PCSK2: variants seen among roughly 807,000 people sequenced by gnomAD.
PCSK2 encodes neuroendocrine convertase 2.
Under a neutral mutation model 69.7 loss-of-function variants are expected in PCSK2, and 14 were observed. That is an observed-to-expected ratio of 0.20 (90% CI 0.13 to 0.31). PCSK2 has a LOEUF of 0.31. PCSK2 is among the 10% of genes least tolerant of loss of function. The pLI, the probability that PCSK2 is intolerant of heterozygous loss-of-function variation, is 1.00. For missense variants in PCSK2, 544 were observed against 842.5 expected (o/e 0.65, Z 4.39); for synonymous variants, 307 against 320.7 (o/e 0.96, Z 0.46).
intron 2 of PCSK2, among the ~76,000 whole-genome samples, chr20:17,270,619 A>C (rs973223970): frequency 6.6e-6 from 1 of 152,136 alleles, no homozygotes; most frequent in Non-Finnish European, 1.5e-5. Flanking sequence ...GTAAGACAAA[A>C]TAGTTTTCCA....
intron 5 of PCSK2, among the ~76,000 whole-genome samples, chr20:17,397,842 C>T (rs532489246): frequency 6.6e-6 from 1 of 152,232 alleles, no homozygotes; most frequent in East Asian, 1.9e-4. Context: ...TTCTTTGGCT[C>T]ATTAGACCTC....
intron 2 of PCSK2, among the ~76,000 whole-genome samples, chr20:17,353,709 AC>A (rs2074789921): frequency 6.6e-6 from 1 of 152,196 alleles, no homozygotes; most frequent in Non-Finnish European, 1.5e-5. Context: ...TCAGTGCTAC[AC>A]TATTCACAGT....
At chr20:17,254,422 T>C (rs1483047804) in intron 1 of PCSK2, among the ~76,000 whole-genome samples, 1 of 152,198 alleles carries the variant, frequency 6.6e-6, no homozygotes, top group Non-Finnish European at 1.5e-5. Context: ...GAATATCTAA[T>C]TGTCCAAGCA....
chr20:17,452,372 A>G (rs1305186866), intron 8 of PCSK2, among the ~76,000 whole-genome samples: 1 of 152,204 alleles, frequency 6.6e-6, no homozygotes, highest in Non-Finnish European at 1.5e-5. Context: ...GGTTGAATAA[A>G]TATTTGTTCA....
intron 11 of PCSK2, among the ~76,000 whole-genome samples, chr20:17,466,069 T>G (rs945126126): frequency 4.2e-4 from 64 of 152,158 alleles, no homozygotes; most frequent in African/African-American, 1.5e-3. Context: ...TGCTTTTGGT[T>G]GTGAGCCTTA....
intron 2 of PCSK2, among the ~76,000 whole-genome samples, chr20:17,348,061 AAGAAAGAAAGAAAG>A (rs1990740552): frequency 1.0e-5 from 1 of 95,646 alleles, no homozygotes; most frequent in African/African-American, 3.9e-5. Context: ...GAAAGAAAGA[AAGAAAGAAAGAAAG>A]AAAGAAAGAA....
chr20:17,278,431 G>A (rs1190824309), intron 2 of PCSK2, among the ~76,000 whole-genome samples: 1 of 152,164 alleles, frequency 6.6e-6, no homozygotes, highest in African/African-American at 2.4e-5. Context: ...GGACATGGAT[G>A]AAGCTGGAAA....
chr20:17,480,207 T>TTTTTTTTTTTTTTTTTG (rs1600614681), intron 11 of PCSK2, among the ~76,000 whole-genome samples: 1 of 89,680 alleles, frequency 1.1e-5, no homozygotes, highest in Non-Finnish European at 2.3e-5. Flanking sequence ...TTTTTTTTTT[T>TTTTTTTTTTTTTTTTTG]GAGGCAGAGT....
At chr20:17,291,883 T>A (rs1010750995) in intron 2 of PCSK2, among the ~76,000 whole-genome samples, 5 of 152,110 alleles carry the variant, frequency 3.3e-5, no homozygotes, top group Non-Finnish European at 7.4e-5. Context: ...TAACTTCCAA[T>A]CTCGAGATCA....
chr20:17,342,420 C>T (rs117723457), intron 2 of PCSK2, among the ~76,000 whole-genome samples: 415 of 152,230 alleles, frequency 2.7e-3, no homozygotes, highest in Non-Finnish European at 2.7e-3. Context: ...CTGAGGTCAA[C>T]CAATCCTCCT....
chr20:17,262,326 G>A (rs980372891), intron 2 of PCSK2, among the ~76,000 whole-genome samples: 1 of 152,092 alleles, frequency 6.6e-6, no homozygotes, highest in Non-Finnish European at 1.5e-5. Context: ...ACAGAAAATA[G>A]CAGAAAAACT....
At chr20:17,387,614 G>A (rs1353442108) in intron 5 of PCSK2, among the ~76,000 whole-genome samples, 2 of 152,176 alleles carry the variant, frequency 1.3e-5, no homozygotes, top group African/African-American at 2.4e-5. Flanking sequence ...GACCAAAATG[G>A]AAGCTACAAT....
intron 2 of PCSK2, 83 bp downstream of exon 2, chr20:17,260,427 A>G (rs1600419861): frequency 2.2e-6 from 2 of 896,778 alleles, no homozygotes; most frequent in Non-Finnish European, 3.7e-6. Flanking sequence ...GCTGGCAGGG[A>G]ATTTTGAAGT....
In PCSK2 at chr20:17,484,269, A is replaced by C; in HGVS notation, c.*2199A>C. The C allele has an allele frequency of 6.6e-6, 1 of 152,504 alleles. No individual in the cohort carries two copies. Among genetic ancestry groups the C allele is most frequent in the Non-Finnish European group, 1.5e-5 (1 of 67,996 alleles). The allele number at this position is 152,504 out of a possible 1,614,324, so 9.4% of individuals were successfully genotyped here. On this transcript the variant is annotated 3_prime_UTR_variant, in exon 12 of 12. Coordinates refer to ENST00000262545, the MANE Select transcript of PCSK2 (RefSeq NM_002594.5). ...GCAACTTATCAGCTACTTAAGAGAA[A>C]TGGCAAGTTTTGATATGAGTATACA...
chr20:17,411,976 A>G (rs1156999425), intron 6 of PCSK2, among the ~76,000 whole-genome samples: 1 of 152,250 alleles, frequency 6.6e-6, no homozygotes, highest in African/African-American at 2.4e-5. Context: ...AGAAAGGAAT[A>G]GCATCAACAT....
chr20:17,316,529 T>C (rs1989694967), intron 2 of PCSK2, among the ~76,000 whole-genome samples: 1 of 152,178 alleles, frequency 6.6e-6, no homozygotes, highest in Admixed American at 6.5e-5. Flanking sequence ...CATCTCCAAA[T>C]AAACTACTTG....
chr20:17,231,744 G>T (rs1986149667), intron 1 of PCSK2, among the ~76,000 whole-genome samples: 1 of 152,150 alleles, frequency 6.6e-6, no homozygotes, highest in Non-Finnish European at 1.5e-5. Context: ...GTCTTCACAG[G>T]CTGAAATCAA....
chr20:17,408,403 A>AATTGCTT (rs2031798226), intron 5 of PCSK2, among the ~76,000 whole-genome samples: 2 of 152,226 alleles, frequency 1.3e-5, no homozygotes, highest in South Asian at 2.1e-4. Flanking sequence ...AAAGAAAAAA[A>AATTGCTT]AAACCCACAA....
intron 2 of PCSK2, among the ~76,000 whole-genome samples, chr20:17,314,929 C>T (rs1989631746): frequency 6.6e-6 from 1 of 152,128 alleles, no homozygotes; most frequent in Non-Finnish European, 1.5e-5. Flanking sequence ...ATGCTGATGG[C>T]TAACTTGCAG....
Sources: allele counts gnomAD v4.1 joint callset (sites outside exome capture counted in the v4.1 genomes callset), GRCh38; gene constraint gnomAD v4.1.1; transcripts MANE v1.5; gene names NCBI Gene and HGNC (gene_info 2026-07-23, HGNC 2026-07-21).